Variants in AUTS2 observed in about 807,000 individuals in gnomAD.
AUTS2 encodes autism susceptibility gene 2 protein.
A neutral mutation model predicts 112.4 loss-of-function variants in AUTS2; 17 were observed. The observed-to-expected ratio is 0.15, with a 90% CI of 0.10 to 0.23. The LOEUF is 0.23. Among genes scored for constraint, AUTS2 ranks in the 10% least tolerant of loss-of-function variants. AUTS2 has a pLI of 1.00. For synonymous variants in AUTS2, 751 were observed against 702.7 expected (o/e 1.07, Z -1.09); for missense variants, 1,510 against 1,701.6 (o/e 0.89, Z 1.98).
chr7:70,132,391 A>G (rs1806324977), intron 3 of AUTS2, among the ~76,000 whole-genome samples: 1 of 152,150 alleles, frequency 6.6e-6, no homozygotes, highest in African/African-American at 2.4e-5. Flanking sequence ...TTGTTACATT[A>G]TGTTAATTCC....
chr7:70,237,971 C>G (rs1161296635), intron 4 of AUTS2, among the ~76,000 whole-genome samples: 1 of 152,176 alleles, frequency 6.6e-6, no homozygotes, highest in Non-Finnish European at 1.5e-5. Flanking sequence ...TAACAGCTAT[C>G]TACAGTAATT....
chr7:70,230,730 C>G (rs149550028), intron 4 of AUTS2, among the ~76,000 whole-genome samples: 2 of 152,352 alleles, frequency 1.3e-5, no homozygotes, highest in East Asian at 3.9e-4. Flanking sequence ...CTTTCAGTTC[C>G]TGGATCTGCC....
chr7:70,785,147 G>GGA, intron 16 of AUTS2, 128 bp downstream of exon 16: 1 of 866,848 alleles, frequency 1.2e-6, no homozygotes, highest in East Asian at 2.6e-5. Context: ...CATTTAGGCA[G>GGA]GAGATGGTGC....
chr7:70,598,109 G>A (rs1803292537), intron 5 of AUTS2, among the ~76,000 whole-genome samples: 1 of 152,202 alleles, frequency 6.6e-6, no homozygotes, highest in Admixed American at 6.5e-5. Flanking sequence ...GACGTTTGCT[G>A]TATGTGTGCC....
intron 1 of AUTS2, among the ~76,000 whole-genome samples, chr7:69,750,410 GTAT>G (rs1245889460): frequency 9.4e-5 from 14 of 148,246 alleles, no homozygotes; most frequent in East Asian, 1.9e-4. Context: ...GTATATATTA[GTAT>G]TATTAGTAGT....
intron 5 of AUTS2, among the ~76,000 whole-genome samples, chr7:70,571,904 A>G (rs1260894386): frequency 6.6e-6 from 1 of 152,172 alleles, no homozygotes. Context: ...TGATCCTGTT[A>G]GGGGAACGAT....
At chr7:70,481,401 A>G (rs562853595) in intron 5 of AUTS2, among the ~76,000 whole-genome samples, 1 of 152,334 alleles carries the variant, frequency 6.6e-6, no homozygotes, top group East Asian at 1.9e-4. Context: ...GCAAGCTTTA[A>G]AACAACAGCA....
chr7:70,023,963 T>C (rs896268847), intron 2 of AUTS2, among the ~76,000 whole-genome samples: 3 of 152,182 alleles, frequency 2.0e-5, no homozygotes, highest in African/African-American at 7.2e-5. Context: ...ATAAACTGCT[T>C]GGAGGCAAAG....
intron 2 of AUTS2, among the ~76,000 whole-genome samples, chr7:70,043,605 C>CT (rs1278951595): frequency 0.015 from 246 of 16,446 alleles, 6 homozygotes; most frequent in African/African-American, 0.028. Flanking sequence ...TCCTTCCTTC[C>CT]TTTTTTTTTT....
intron 4 of AUTS2, among the ~76,000 whole-genome samples, chr7:70,161,279 G>A (rs890286032): frequency 4.0e-5 from 6 of 150,904 alleles, no homozygotes; most frequent in Non-Finnish European, 8.9e-5. Context: ...AATTTTTCTT[G>A]CTAGTTTTTT....
chr7:69,736,061 G>A (rs565351727), intron 1 of AUTS2, among the ~76,000 whole-genome samples: 1 of 152,280 alleles, frequency 6.6e-6, no homozygotes, highest in Admixed American at 6.5e-5. Flanking sequence ...ACATTAGTGG[G>A]CACTCAGTGA....
chr7:70,501,321 A>G (rs934210603), intron 5 of AUTS2, among the ~76,000 whole-genome samples: 3 of 152,196 alleles, frequency 2.0e-5, no homozygotes, highest in Non-Finnish European at 2.9e-5. Flanking sequence ...GCCAGGAAGA[A>G]TGCTCTAGAA....
At chr7:70,229,768 GTTC>G (rs555407124) in intron 4 of AUTS2, among the ~76,000 whole-genome samples, 210 of 129,010 alleles carry the variant, frequency 1.6e-3, no homozygotes, top group Non-Finnish European at 2.8e-3. Context: ...TTTTCCCCCT[GTTC>G]TTCAGATTTA....
At chr7:70,010,549 G>C (rs1799753166) in intron 2 of AUTS2, among the ~76,000 whole-genome samples, 1 of 152,188 alleles carries the variant, frequency 6.6e-6, no homozygotes, top group African/African-American at 2.4e-5. Flanking sequence ...TGATGACTGA[G>C]TGACTGTGAT....
At chr7:70,398,038 C>G (rs996661695) in intron 4 of AUTS2, among the ~76,000 whole-genome samples, 1 of 152,202 alleles carries the variant, frequency 6.6e-6, no homozygotes, top group Admixed American at 6.5e-5. Flanking sequence ...TGTTCCCGCA[C>G]TGCTTATTGA....
At chr7:70,030,074 A>G (rs1800705619) in intron 2 of AUTS2, among the ~76,000 whole-genome samples, 2 of 152,222 alleles carry the variant, frequency 1.3e-5, no homozygotes, top group South Asian at 2.1e-4. Flanking sequence ...TCAGTGGCCC[A>G]AAGTTGTATC....
chr7:70,123,473 T>TA (rs1290963862), intron 3 of AUTS2, among the ~76,000 whole-genome samples: 2 of 152,070 alleles, frequency 1.3e-5, no homozygotes, highest in African/African-American at 4.8e-5. Flanking sequence ...ACCCAATAGT[T>TA]ATCTTTTCTA....
intron 1 of AUTS2, among the ~76,000 whole-genome samples, chr7:69,724,784 G>C (rs918702173): frequency 6.6e-6 from 1 of 152,178 alleles, no homozygotes; most frequent in African/African-American, 2.4e-5. Flanking sequence ...CGTGAAAAAT[G>C]TGGAATAACC....
chr7:70,652,115 T>C (rs1008077235), intron 5 of AUTS2, among the ~76,000 whole-genome samples: 3 of 152,224 alleles, frequency 2.0e-5, no homozygotes, highest in African/African-American at 7.2e-5. Flanking sequence ...TATGAGTGAC[T>C]AAGTGGTAGT....
Sources: gnomAD v4.1 joint callset for allele counts (sites outside exome capture counted in the v4.1 genomes callset) on GRCh38, gnomAD v4.1.1 for gene constraint, MANE v1.5 for transcripts, NCBI Gene and HGNC (gene_info 2026-07-23, HGNC 2026-07-21) for gene names.